LGSN: variants seen among roughly 807,000 people sequenced by gnomAD.
LGSN encodes lengsin, lens protein with glutamine synthetase domain, also known as lengsin.
LGSN carries 21 observed loss-of-function variants against 19.5 expected under a neutral mutation model. That is an observed-to-expected ratio of 1.07 (90% CI 0.76 to 1.55). The LOEUF is 1.55. LGSN is among the 40% of genes most tolerant of loss of function. The probability of loss-of-function intolerance (pLI) is 0.00; values close to 1 mark genes in which losing one functional copy is unlikely to be tolerated. For synonymous variants in LGSN, 257 were observed against 215.6 expected (o/e 1.19, Z -1.68); for missense variants, 673 against 608.5 (o/e 1.11, Z -1.12).
chr6:63,526,321 C>T, the LGSN span, among the ~76,000 whole-genome samples: 1 of 151,334 alleles, frequency 6.6e-6, no homozygotes, highest in Admixed American at 6.6e-5. Flanking sequence ...CAAGACTCCA[C>T]CTCAAAATAA....
the LGSN span, among the ~76,000 whole-genome samples, chr6:63,507,733 T>C: frequency 6.6e-6 from 1 of 152,198 alleles, no homozygotes; most frequent in Non-Finnish European, 1.5e-5. Context: ...TTTCCTTTAT[T>C]TAGGTTAAGC....
the LGSN span, among the ~76,000 whole-genome samples, chr6:63,532,081 G>T: frequency 6.6e-6 from 1 of 152,160 alleles, no homozygotes; most frequent in South Asian, 2.1e-4. Flanking sequence ...TTACAGGCGT[G>T]AGCCACCACG....
At chr6:63,494,133 A>G in the LGSN span, among the ~76,000 whole-genome samples, 11 of 151,998 alleles carry the variant, frequency 7.2e-5, no homozygotes, top group East Asian at 2.1e-3. Flanking sequence ...TATTTTTAGT[A>G]GAGATGAGGT....
the LGSN span, chr6:63,571,260 G>A: frequency 6.6e-6 from 1 of 152,142 alleles, no homozygotes; most frequent in African/African-American, 2.4e-5. Context: ...TAAATCCTAA[G>A]ATGTTGCAGG....
the LGSN span, among the ~76,000 whole-genome samples, chr6:63,473,393 G>A: frequency 2.8e-5 from 4 of 141,100 alleles, no homozygotes; most frequent in Admixed American, 3.1e-4. Context: ...AGAATAGCCT[G>A]AACCCAGGAG....
At chr6:63,355,065 G>C in the LGSN span, among the ~76,000 whole-genome samples, 1 of 152,128 alleles carries the variant, frequency 6.6e-6, no homozygotes, top group East Asian at 1.9e-4. Flanking sequence ...GGTGACTACA[G>C]TAAACAACAA....
At chr6:63,323,914 G>A (rs1000366581), upstream of LGSN, among the ~76,000 whole-genome samples, 1 of 151,512 alleles carries the variant, frequency 6.6e-6, no homozygotes, top group Non-Finnish European at 1.5e-5. Context: ...TGGGATTACA[G>A]GCACCCGCCA....
chr6:63,499,178 T>C, the LGSN span, among the ~76,000 whole-genome samples: 81,237 of 151,902 alleles, frequency 0.53, 23,593 homozygotes, highest in African/African-American at 0.77. Flanking sequence ...ATAACATCTA[T>C]AATATACAGA....
Position 63,277,856 on chromosome 6 carries a change from A to T in LGSN, c.*2165T>A, listed in dbSNP as rs1254855362. 1 of 152,398 alleles carries T rather than the reference A, an allele frequency of 6.6e-6. No individual in the cohort carries two copies. The highest frequency in any genetic ancestry group is 1.5e-5 in the Non-Finnish European group (1 of 68,226). 9.4% of individuals were successfully genotyped at this position (152,398 alleles called of 1,614,324 possible). On this transcript the variant is annotated 3_prime_UTR_variant, in exon 4 of 4. Transcript: ENST00000370657. ...TCCTAGCACTTTGGGAGGCCAAGGC[A>T]GGCTGATCACCTGAGTTCAGGAGTT...
chr6:63,506,864 T>A, the LGSN span, among the ~76,000 whole-genome samples: 1 of 152,094 alleles, frequency 6.6e-6, no homozygotes, highest in Non-Finnish European at 1.5e-5. Flanking sequence ...TCACTGAACA[T>A]CTCAGAGAAG....
upstream of LGSN, among the ~76,000 whole-genome samples, chr6:63,323,758 G>A (rs1392727033): frequency 5.4e-5 from 8 of 147,740 alleles, no homozygotes; most frequent in Non-Finnish European, 8.9e-5. Flanking sequence ...CTGGAATCTC[G>A]TATGTTTTTG....
the LGSN span, among the ~76,000 whole-genome samples, chr6:63,365,299 C>T: frequency 6.6e-6 from 1 of 152,152 alleles, no homozygotes; most frequent in Admixed American, 6.5e-5. Flanking sequence ...TCAGAGAATA[C>T]TATAAACACC....
At chr6:63,485,247 C>T in the LGSN span, among the ~76,000 whole-genome samples, 1 of 152,008 alleles carries the variant, frequency 6.6e-6, no homozygotes, top group Non-Finnish European at 1.5e-5. Context: ...TCATGTCTTC[C>T]CATCATTTAG....
chr6:63,409,122 T>C, the LGSN span, among the ~76,000 whole-genome samples: 91 of 152,270 alleles, frequency 6.0e-4, no homozygotes, highest in African/African-American at 2.1e-3. Context: ...GTGTTAACCA[T>C]GCTCATCTCA....
the LGSN span, among the ~76,000 whole-genome samples, chr6:63,543,696 A>G: frequency 6.6e-6 from 1 of 152,152 alleles, no homozygotes; most frequent in Non-Finnish European, 1.5e-5. Context: ...TGAGAAATAA[A>G]CCCTAATCTT....
the LGSN span, among the ~76,000 whole-genome samples, chr6:63,510,008 T>C: frequency 2.0e-5 from 3 of 152,236 alleles, no homozygotes; most frequent in Non-Finnish European, 4.4e-5. Context: ...ACAAATGAAG[T>C]GTAAATTTAT....
the LGSN span, among the ~76,000 whole-genome samples, chr6:63,325,199 A>G: frequency 6.6e-6 from 1 of 152,092 alleles, no homozygotes; most frequent in African/African-American, 2.4e-5. Flanking sequence ...CAAACAAACA[A>G]AAAGAACAAA....
At chr6:63,532,772 G>C in the LGSN span, among the ~76,000 whole-genome samples, 1 of 152,042 alleles carries the variant, frequency 6.6e-6, no homozygotes, top group African/African-American at 2.4e-5. Context: ...TGTTCAATCA[G>C]TATCTAGGCC....
the LGSN span, among the ~76,000 whole-genome samples, chr6:63,504,272 C>T: frequency 6.7e-6 from 1 of 148,896 alleles, no homozygotes; most frequent in Non-Finnish European, 1.5e-5. Flanking sequence ...GACAGAGTCT[C>T]GCTCTGTTGC....
Sources: gnomAD v4.1 joint callset for allele counts (sites outside exome capture counted in the v4.1 genomes callset) on GRCh38, gnomAD v4.1.1 for gene constraint, MANE v1.5 for transcripts, NCBI Gene and HGNC (gene_info 2026-07-23, HGNC 2026-07-21) for gene names.